GLRB: variants seen among roughly 807,000 people sequenced by gnomAD.
The protein encoded by GLRB is glycine receptor beta.
Under a neutral mutation model 54.2 loss-of-function variants are expected in GLRB, and 33 were observed. The observed-to-expected ratio is 0.61, with a 90% CI of 0.46 to 0.81. The LOEUF is 0.81. Ranked by LOEUF, GLRB falls within the 40% of genes least tolerant of loss-of-function variation. The pLI is 0.00. For missense variants in GLRB, 572 were observed against 584.6 expected (o/e 0.98, Z 0.22); for synonymous variants, 209 against 208.2 (o/e 1.00, Z -0.03).
chr4:157,091,556 A>G (rs1276540860), intron 2 of GLRB, among the ~76,000 whole-genome samples: 1 of 152,208 alleles, frequency 6.6e-6, no homozygotes, highest in Non-Finnish European at 1.5e-5. Context: ...CAGAATGTGT[A>G]ACACTGGGTA....
At chr4:157,090,652 A>T (rs923389280) in intron 2 of GLRB, among the ~76,000 whole-genome samples, 2 of 152,200 alleles carry the variant, frequency 1.3e-5, no homozygotes, top group African/African-American at 4.8e-5. Context: ...GTTGCAGTAA[A>T]ATCAACTAGT....
chr4:157,110,677 T>C (rs1391746392), intron 2 of GLRB, among the ~76,000 whole-genome samples: 1 of 152,070 alleles, frequency 6.6e-6, no homozygotes, highest in African/African-American at 2.4e-5. Flanking sequence ...TGTTTGCCTG[T>C]TTCTTTATTT....
intron 4 of GLRB, among the ~76,000 whole-genome samples, chr4:157,134,786 A>C (rs536261333): frequency 6.6e-6 from 1 of 152,266 alleles, no homozygotes; most frequent in Non-Finnish European, 1.5e-5. Flanking sequence ...ACAATGAAGT[A>C]ATTGAGAAAG....
At chr4:157,084,935 A>G (rs1419097980) in intron 2 of GLRB, among the ~76,000 whole-genome samples, 1 of 152,220 alleles carries the variant, frequency 6.6e-6, no homozygotes, top group Non-Finnish European at 1.5e-5. Flanking sequence ...GGCTGATTGG[A>G]AAAGGATATG....
intron 2 of GLRB, among the ~76,000 whole-genome samples, chr4:157,095,368 A>G (rs1734771015): frequency 6.6e-6 from 1 of 151,960 alleles, no homozygotes; most frequent in Non-Finnish European, 1.5e-5. Flanking sequence ...GGAAGAGTAG[A>G]TAGGAAATGA....
At chr4:157,152,171 T>C (rs552453129) in intron 8 of GLRB, among the ~76,000 whole-genome samples, 152 of 152,302 alleles carry the variant, frequency 1.0e-3, no homozygotes, top group Middle Eastern at 3.4e-3. Flanking sequence ...ATACCTTTCT[T>C]TGGAAATCTG....
At chr4:157,150,157 A>G (rs1179774504) in intron 8 of GLRB, among the ~76,000 whole-genome samples, 1 of 152,034 alleles carries the variant, frequency 6.6e-6, no homozygotes, top group Non-Finnish European at 1.5e-5. Flanking sequence ...TATATAGCTT[A>G]TTTGATATAT....
intron 3 of GLRB, among the ~76,000 whole-genome samples, chr4:157,120,953 A>T (rs181613006): frequency 2.6e-5 from 4 of 151,784 alleles, no homozygotes; most frequent in African/African-American, 9.6e-5. Context: ...TCTAAGTACT[A>T]TTCTTAACCT....
chr4:157,162,164 C>G (rs977726273), intron 9 of GLRB, among the ~76,000 whole-genome samples: 2 of 152,188 alleles, frequency 1.3e-5, no homozygotes, highest in African/African-American at 4.8e-5. Flanking sequence ...GTTCTCGTGC[C>G]ATGGTTTTCA....
chr4:157,126,337 C>G (rs908325811), intron 4 of GLRB, among the ~76,000 whole-genome samples: 1 of 151,686 alleles, frequency 6.6e-6, no homozygotes, highest in Non-Finnish European at 1.5e-5. Flanking sequence ...ATTAATATTC[C>G]TTAAGGTCTT....
chr4:157,127,211 A>G (rs927866663), intron 4 of GLRB, among the ~76,000 whole-genome samples: 2 of 151,686 alleles, frequency 1.3e-5, no homozygotes, highest in Admixed American at 1.3e-4. Flanking sequence ...TACTATTTAT[A>G]TTTTGTTTTT....
chr4:157,125,938 G>A lies in GLRB; in HGVS notation c.297+3541G>A, dbSNP rs533514324. On this transcript the variant is annotated intron_variant, in intron 4 of 9. Transcript: ENST00000264428. ...AAGTCTTAACATTTAAAAAGCTTCA[G>A]TATTGCTCTGTGCTTTCCTCTGAAA... Among the ~76,000 whole-genome samples, 3 of 151,926 alleles carry A rather than the reference G, an allele frequency of 2.0e-5. No homozygotes were observed. The South Asian group carries it at 6.2e-4, about 32-fold the overall frequency.
intron 2 of GLRB, among the ~76,000 whole-genome samples, chr4:157,091,825 T>C (rs1190495367): frequency 6.6e-6 from 1 of 152,166 alleles, no homozygotes; most frequent in Non-Finnish European, 1.5e-5. Context: ...CGTGACACTA[T>C]TCTGTTGTCT....
intron 2 of GLRB, among the ~76,000 whole-genome samples, chr4:157,088,924 T>G (rs2126444682): frequency 6.6e-6 from 1 of 152,322 alleles, no homozygotes; most frequent in Non-Finnish European, 1.5e-5. Context: ...TTTCTTCAAC[T>G]AGTAGGATAA....
intron 2 of GLRB, among the ~76,000 whole-genome samples, chr4:157,102,433 G>C (rs997572875): frequency 6.6e-6 from 1 of 151,964 alleles, no homozygotes; most frequent in East Asian, 1.9e-4. Flanking sequence ...AGAATCATAT[G>C]GTATTTGTCG....
At chr4:157,099,808 C>T (rs1178417997) in intron 2 of GLRB, among the ~76,000 whole-genome samples, 1 of 152,146 alleles carries the variant, frequency 6.6e-6, no homozygotes, top group African/African-American at 2.4e-5. Flanking sequence ...TGTTCCACTT[C>T]CACATAATAA....
At chr4:157,082,982 A>G (rs1044654357) in intron 2 of GLRB, among the ~76,000 whole-genome samples, 1 of 148,990 alleles carries the variant, frequency 6.7e-6, no homozygotes, top group Admixed American at 6.7e-5. Context: ...ATATATATAT[A>G]TATATATACA....
At chr4:157,094,009 A>G (rs913863545) in intron 2 of GLRB, among the ~76,000 whole-genome samples, 5 of 152,316 alleles carry the variant, frequency 3.3e-5, no homozygotes, top group South Asian at 2.1e-4. Context: ...CAATCTGTCT[A>G]TGCATGTGTT....
intron 2 of GLRB, among the ~76,000 whole-genome samples, chr4:157,105,206 T>G (rs1735179663): frequency 6.6e-6 from 1 of 151,870 alleles, no homozygotes; most frequent in Non-Finnish European, 1.5e-5. Flanking sequence ...TAGTACTTCT[T>G]TTTTTGCATC....
Sources: gnomAD v4.1 joint callset for allele counts (sites outside exome capture counted in the v4.1 genomes callset) on GRCh38, gnomAD v4.1.1 for gene constraint, MANE v1.5 for transcripts, NCBI Gene and HGNC (gene_info 2026-07-23, HGNC 2026-07-21) for gene names.